The following PPL variants were observed in gnomAD, a reference collection of about 807,000 sequenced individuals.
PPL encodes the protein 190 kDa paraneoplastic pemphigus antigen.
Under a neutral mutation model 194.4 loss-of-function variants are expected in PPL, and 198 were observed. The observed-to-expected ratio is 1.02, with a 90% CI of 0.91 to 1.15. The LOEUF is 1.15. Ranked by LOEUF, PPL falls within the 50% of genes most tolerant of loss-of-function variation. The pLI is 0.00. For synonymous variants in PPL, 1,220 were observed against 972.4 expected (o/e 1.25, Z -4.74); for missense variants, 2,885 against 2,294.8 (o/e 1.26, Z -5.25).
intron 21 of PPL, 72 bp from the exon 22 acceptor site, chr16:4,886,119 T>C: frequency 6.3e-7 from 1 of 1,589,290 alleles, no homozygotes; most frequent in Admixed American, 1.8e-5. Flanking sequence ...CCCCACCTGG[T>C]CAGAGTGGCT....
In PPL at chr16:4,902,602, C is replaced by A. The variant is rs1000592221; in HGVS notation, c.318-76G>T. On this transcript the variant is annotated intron_variant, in intron 3 of 21. Coordinates refer to ENST00000345988, the MANE Select transcript of PPL (RefSeq NM_002705.5). The surrounding 1 kb of genome is among the most constrained non-coding windows in gnomAD (Gnocchi z 4.0). Reference sequence around the variant, plus strand: ...CCCCAGGAGGGGCCCCCCACCCAGACCCCGGCCTCAGTGTCCTGGAAGGAC... The same window carrying A: ...CCCCAGGAGGGGCCCCCCACCCAGAACCCGGCCTCAGTGTCCTGGAAGGAC... The A allele has an allele frequency of 1.3e-6, 2 of 1,539,262 alleles. No homozygotes were observed. Among genetic ancestry groups the A allele is most frequent in the Non-Finnish European group, 1.8e-6 (2 of 1,136,010 alleles).
At chr16:4,910,999 G>A (rs1370453446) in intron 1 of PPL, 50 bp from the exon 2 acceptor site, 4 of 1,468,264 alleles carry the variant, frequency 2.7e-6, no homozygotes, top group Non-Finnish European at 2.8e-6. Context: ...GTGGGTGGGG[G>A]CTATGTCCCC....
intron 2 of PPL, among the ~76,000 whole-genome samples, chr16:4,904,511 G>A (rs1207261297): frequency 6.6e-6 from 1 of 152,152 alleles, no homozygotes; most frequent in Admixed American, 6.5e-5. Flanking sequence ...CTTCAGCTCT[G>A]GTGGTCAGGG....
rs2088460396 is a variant in PPL, at chr16:4,897,693, G to A, written c.954C>T (p.Tyr318=). The change falls in exon 9 of 22, where the codon TAC becomes TAT. Residue 318 remains tyrosine, a synonymous_variant. Coordinates refer to ENST00000345988, the MANE Select transcript of PPL (RefSeq NM_002705.5). ...TAAGTACCTGGTGGTAGTCCTCCAT[G>A]TACTTGAGGTGGCTCTCCTCGCAGA... ...LLICEESHLK[Y]MEDYHQFHED... 6.2e-7 allele frequency: 1 copy of A among 1,613,682 alleles called. No homozygotes were observed. The highest frequency in any genetic ancestry group is 1.3e-5 in the African/African-American group (1 of 74,916).
chr16:4,910,849 C>T lies in PPL; in HGVS notation c.162+1G>A, dbSNP rs138636595. ...GTGGGAGTGGGAGTGGGGGCACTCA[C>T]ACTCTGCATCTTGGCCTCTGTGTCC... On this transcript the variant is annotated splice_donor_variant, in intron 2 of 21. Transcript: ENST00000345988. LOFTEE classifies it high-confidence loss of function. The T allele has an allele frequency of 3.3e-5, 53 of 1,613,646 alleles. No individual in the cohort carries two copies. Among genetic ancestry groups the T allele is most frequent in the Non-Finnish European group, 4.3e-5 (51 of 1,179,826 alleles).
chr16:4,903,953 C>A lies in PPL; in HGVS notation c.250G>T (p.Val84Leu). ...KVLDSEKLLY[V>L]LEADAAIAKH... ...GCAATGGCCGCATCCGCCTCTAGCA[C>A]ATAGAGCAGCTTCTCAGAGTCCAAC... The change falls in exon 3 of 22, where the codon GTG (valine) becomes TTG (leucine). Residue 84 changes from valine to leucine, a missense_variant. Physicochemically the swap from Val to Leu is conservative, Grantham distance 32 (BLOSUM62 1). Coordinates refer to ENST00000345988, the MANE Select transcript of PPL (RefSeq NM_002705.5). 6.2e-7 allele frequency: 1 copy of A among 1,614,092 alleles called. No individual in the cohort carries two copies. The highest frequency in any genetic ancestry group is 8.5e-7 in the Non-Finnish European group (1 of 1,180,044).
rs368315027 is a variant in PPL, at chr16:4,933,461, G to A, written c.62+3523C>T. Reference sequence around the variant, plus strand: ...TTTCTTTTCAAGCAGAGGCAGAATTGAGCCTGACTGCAGAGCTGGGTCTTG... The same window carrying A: ...TTTCTTTTCAAGCAGAGGCAGAATTAAGCCTGACTGCAGAGCTGGGTCTTG... On this transcript the variant is annotated intron_variant, in intron 1 of 21. Transcript: ENST00000345988. 3.2e-4 allele frequency among the ~76,000 whole-genome samples: 48 copies of A among 152,270 alleles called. No individual in the cohort carries two copies. The South Asian group carries it at 7.5e-3, about 24-fold the overall frequency.
chr16:4,895,257 G>C lies in PPL; in HGVS notation c.1242+4C>G. 1 of 1,597,136 alleles carries C rather than the reference G, an allele frequency of 6.3e-7. No individual in the cohort carries two copies. The highest frequency in any genetic ancestry group is 1.1e-5 in the South Asian group (1 of 90,484). The stretch of plus-strand genomic sequence containing the variant: ...ATGTGAACAGAGGAGCTGGCCCCAC[G>C]CACCTGCTCCCCCTCAAAGTCACAG... On this transcript the variant is annotated splice_donor_region_variant and intron_variant, in intron 11 of 21. Coordinates refer to ENST00000345988, the MANE Select transcript of PPL (RefSeq NM_002705.5).
At chr16:4,917,904 A>C (rs1365553212) in intron 1 of PPL, among the ~76,000 whole-genome samples, 1 of 151,762 alleles carries the variant, frequency 6.6e-6, no homozygotes, top group Non-Finnish European at 1.5e-5. Context: ...CCCTGTCTCA[A>C]AACAAAAACA....
At chr16:4,912,428 C>T (rs1348091520) in intron 1 of PPL, among the ~76,000 whole-genome samples, 2 of 152,254 alleles carry the variant, frequency 1.3e-5, no homozygotes, top group African/African-American at 4.8e-5. Flanking sequence ...GGCTACTTCA[C>T]ATTTTGCTTA....
chr16:4,900,648 G>A (rs546643430), intron 6 of PPL, among the ~76,000 whole-genome samples, 182 bp downstream of exon 6: 1 of 151,782 alleles, frequency 6.6e-6, no homozygotes, highest in African/African-American at 2.4e-5. Flanking sequence ...ATGTTGCCCA[G>A]GTTGGTCTCA....
At chr16:4,900,772 TC>T in intron 6 of PPL, 57 bp downstream of exon 6, 1 of 1,610,120 alleles carries the variant, frequency 6.2e-7, no homozygotes, top group Non-Finnish European at 8.5e-7. Context: ...TCCCCCCGAC[TC>T]CAAGCTTCCC....
intron 9 of PPL, among the ~76,000 whole-genome samples, chr16:4,897,096 A>G (rs1157347435): frequency 6.6e-6 from 1 of 151,824 alleles, no homozygotes; most frequent in East Asian, 2.0e-4. Context: ...ACACTTTAGG[A>G]GGCCGAGGCG....
intron 18 of PPL, 84 bp from the exon 19 acceptor site, chr16:4,889,145 G>C (rs771128796): frequency 7.6e-6 from 8 of 1,047,602 alleles, no homozygotes; most frequent in African/African-American, 1.6e-5. Flanking sequence ...GGAAATCTCA[G>C]AATCTGAATT....
rs74003551 is a variant in PPL at position 4,895,710 on chromosome 16, C to T, written c.979G>A (p.Glu327Lys). ...AGCTCCTGAGCGTCCTTCACGTCTT[C>T]GTGAAACTAGGGGAGAAGGTGGCTC... ...KYMEDYHQFH[E>K]DVKDAQELLR... Residue 327 changes from glutamate to lysine, a missense_variant, in exon 10 of 22, where the codon GAA becomes AAA. By Grantham distance (56) the Glu-to-Lys change is moderately conservative. Transcript: ENST00000345988. 3.6e-4 allele frequency: 585 copies of T among 1,613,882 alleles called. 2 individuals are homozygous for T. The African/African-American group carries it at 6.5e-3, about 18-fold the overall frequency.
chr16:4,894,429 GGACTGGTCCATGCA>G, intron 12 of PPL, 24 bp downstream of exon 12: 1 of 1,608,796 alleles, frequency 6.2e-7, no homozygotes. Flanking sequence ...CCTGGGGGTG[GGACTGGTCCATGCA>G]GACTCCCGCC....
At chr16:4,898,988 G>C (rs763956807) in intron 8 of PPL, 25 bp downstream of exon 8, 7 of 1,600,904 alleles carry the variant, frequency 4.4e-6, no homozygotes, top group Non-Finnish European at 6.0e-6. Flanking sequence ...CCTGGGGGAG[G>C]TGTCTGGTCT....
At chr16:4,913,495 G>A (rs2088860281) in intron 1 of PPL, among the ~76,000 whole-genome samples, 1 of 152,168 alleles carries the variant, frequency 6.6e-6, no homozygotes, top group African/African-American at 2.4e-5. Context: ...CTGAACAAAG[G>A]TTTGTGATTT....
chr16:4,911,708 C>A (rs1352321944), intron 1 of PPL, among the ~76,000 whole-genome samples: 2 of 151,192 alleles, frequency 1.3e-5, no homozygotes, highest in African/African-American at 4.9e-5. Context: ...ATAACTTTTA[C>A]ATTTCTTTTG....
Sources: allele counts gnomAD v4.1 joint callset (sites outside exome capture counted in the v4.1 genomes callset), GRCh38; gene constraint gnomAD v4.1.1; non-coding constraint Gnocchi (gnomAD v3.1); transcripts MANE v1.5; gene names NCBI Gene and HGNC (gene_info 2026-07-23, HGNC 2026-07-21).